Variants in AP2B1 observed in about 807,000 individuals in gnomAD.
AP2B1 encodes the protein AP-2 complex subunit beta.
Under a neutral mutation model 102.0 loss-of-function variants are expected in AP2B1, and 23 were observed. That is an observed-to-expected ratio of 0.23 (90% CI 0.16 to 0.32). The LOEUF (loss-of-function observed/expected upper bound fraction) is 0.32. Ranked by LOEUF, AP2B1 falls within the 10% of genes least tolerant of loss-of-function variation. The pLI is 1.00. For missense variants in AP2B1, 541 were observed against 1,157.4 expected (o/e 0.47, Z 7.73); for synonymous variants, 381 against 421.2 (o/e 0.90, Z 1.17).
At chr17:35,683,404 G>A (rs977604810) in intron 18 of AP2B1, among the ~76,000 whole-genome samples, 12 of 152,132 alleles carry the variant, frequency 7.9e-5, no homozygotes, top group East Asian at 1.9e-4. Flanking sequence ...GACTTTTATA[G>A]CAAAATTTGA....
At chr17:35,642,867 ACTTT>A (rs1251183058) in intron 12 of AP2B1, among the ~76,000 whole-genome samples, 1 of 152,166 alleles carries the variant, frequency 6.6e-6, no homozygotes, top group Non-Finnish European at 1.5e-5. Context: ...TATTTTAAAA[ACTTT>A]CTTAAGCATC....
intron 12 of AP2B1, among the ~76,000 whole-genome samples, chr17:35,643,753 A>G (rs576021767): frequency 2.0e-5 from 3 of 152,356 alleles, no homozygotes; most frequent in Admixed American, 6.5e-5. Context: ...TAGTAATAAC[A>G]GTCGTCATGG....
At chr17:35,660,406 C>T (rs1275920092) in intron 14 of AP2B1, among the ~76,000 whole-genome samples, 1 of 152,006 alleles carries the variant, frequency 6.6e-6, no homozygotes, top group African/African-American at 2.4e-5. Flanking sequence ...ATCTTGTGAC[C>T]ACTGTGAACT....
In AP2B1 at chr17:35,709,303, A is replaced by C; in HGVS notation, c.2534A>C (p.Lys845Thr). The change falls in exon 19 of 22, where the codon AAA (lysine) becomes ACA (threonine). Residue 845 changes from lysine (K) to threonine (T), a missense_variant. By Grantham distance (78) the Lys-to-Thr change is moderately conservative. Around this residue, in one of 10 missense-constraint regions of AP2B1, gnomAD observed 117 missense variants for 206.7 expected, o/e 0.57. Transcript: ENST00000610402. ...PLNVLFVEDG[K>T]MERQVFLATW... ...AATGTGCTTTTTGTAGAAGATGGCAAAATGGGTAAGTACCTTCCTGCCTGT... is the reference window on the plus strand; with the variant it reads ...AATGTGCTTTTTGTAGAAGATGGCACAATGGGTAAGTACCTTCCTGCCTGT... The C allele has an allele frequency of 6.2e-7, 1 of 1,613,602 alleles. No homozygotes were observed. The highest frequency in any genetic ancestry group is 8.5e-7 in the Non-Finnish European group (1 of 1,179,514).
At chr17:35,690,165 A>G (rs1461668556) in intron 18 of AP2B1, among the ~76,000 whole-genome samples, 1 of 152,074 alleles carries the variant, frequency 6.6e-6, no homozygotes, top group Non-Finnish European at 1.5e-5. Context: ...CAGACTGGAT[A>G]ATTCCTATTG....
At chr17:35,602,521 C>T (rs953610593) in intron 3 of AP2B1, among the ~76,000 whole-genome samples, 13 of 152,054 alleles carry the variant, frequency 8.5e-5, no homozygotes, top group Admixed American at 8.5e-4. Flanking sequence ...TTCTAATAGC[C>T]ATTTTGAAAA....
intron 18 of AP2B1, among the ~76,000 whole-genome samples, chr17:35,691,419 A>G (rs906272304): frequency 4.6e-5 from 7 of 152,350 alleles, no homozygotes; most frequent in East Asian, 1.9e-4. Context: ...AAAAACTGGT[A>G]GACGCTTCCA....
At chr17:35,638,596 G>A (rs950014448) in intron 10 of AP2B1, among the ~76,000 whole-genome samples, 1 of 152,060 alleles carries the variant, frequency 6.6e-6, no homozygotes, top group Middle Eastern at 3.4e-3. Flanking sequence ...AGACCATCCT[G>A]GCTAACATGG....
At chr17:35,606,647 C>T (rs1221397406) in intron 4 of AP2B1, among the ~76,000 whole-genome samples, 1 of 152,098 alleles carries the variant, frequency 6.6e-6, no homozygotes, top group East Asian at 1.9e-4. Flanking sequence ...CGACACATAA[C>T]CACTCTTGTT....
In AP2B1 at chr17:35,621,394, G is replaced by C. The variant is rs151018764; in HGVS notation, c.526-3003G>C. The C allele has an allele frequency of 4.5e-3, 4,212 of 942,672 alleles. 13 individuals carry two copies. Among genetic ancestry groups the C allele is most frequent in the Middle Eastern group, 0.015 (28 of 1,864 alleles). 58.4% of individuals were successfully genotyped at this position (942,672 alleles called of 1,614,324 possible). ...CCTGCCTCAGTATGTTGCTAAAAAT[G>C]TAACAGTCTGACTGTGGAGATTAGG... On this transcript the variant is annotated intron_variant, in intron 5 of 21. Coordinates refer to ENST00000610402, the MANE Select transcript of AP2B1 (RefSeq NM_001030006.2).
intron 18 of AP2B1, among the ~76,000 whole-genome samples, chr17:35,686,729 C>T (rs1421630561): frequency 2.0e-5 from 3 of 152,154 alleles, no homozygotes; most frequent in Non-Finnish European, 4.4e-5. Flanking sequence ...CTTTGGGAGG[C>T]TGAGGTGGGC....
intron 1 of AP2B1, among the ~76,000 whole-genome samples, chr17:35,589,075 C>T (rs1401696701): frequency 6.6e-6 from 1 of 152,140 alleles, no homozygotes; most frequent in Non-Finnish European, 1.5e-5. Context: ...AGATGTAAAA[C>T]TTTTGAACTC....
intron 18 of AP2B1, among the ~76,000 whole-genome samples, chr17:35,695,241 A>G (rs1371341721): frequency 1.3e-5 from 2 of 152,274 alleles, no homozygotes; most frequent in East Asian, 1.9e-4. Context: ...GGGTTGATCA[A>G]TATAGTATCA....
chr17:35,600,302 C>T (rs1390684341), intron 3 of AP2B1, among the ~76,000 whole-genome samples: 1 of 151,928 alleles, frequency 6.6e-6, no homozygotes, highest in Non-Finnish European at 1.5e-5. Flanking sequence ...AGGCTGGTCT[C>T]GAACTCCTGA....
At chr17:35,705,720 C>T (rs377759687) in intron 18 of AP2B1, among the ~76,000 whole-genome samples, 1 of 152,032 alleles carries the variant, frequency 6.6e-6, no homozygotes, top group African/African-American at 2.4e-5. Flanking sequence ...TGGAATTTTG[C>T]CTTGTTGGCC....
At chr17:35,630,000 G>A (rs1257906367) in intron 9 of AP2B1, among the ~76,000 whole-genome samples, 1 of 152,170 alleles carries the variant, frequency 6.6e-6, no homozygotes, top group Non-Finnish European at 1.5e-5. Context: ...TTGATTATAT[G>A]CAGTTCTGCC....
intron 18 of AP2B1, among the ~76,000 whole-genome samples, chr17:35,694,727 A>C (rs1330869637): frequency 1.3e-5 from 2 of 152,150 alleles, no homozygotes; most frequent in Admixed American, 6.5e-5. Flanking sequence ...ACAAAAATAC[A>C]AAAAAGTTAG....
At chr17:35,676,083 A>C (rs2075695745) in intron 17 of AP2B1, among the ~76,000 whole-genome samples, 1 of 152,164 alleles carries the variant, frequency 6.6e-6, no homozygotes, top group African/African-American at 2.4e-5. Context: ...CTGTAGAAGA[A>C]ATTAAGTCTT....
chr17:35,674,118 A>C, intron 16 of AP2B1, 58 bp from the exon 17 acceptor site: 1 of 1,516,704 alleles, frequency 6.6e-7, no homozygotes, highest in Non-Finnish European at 9.0e-7. Flanking sequence ...TTGTTAAAAA[A>C]TGCATAGCAT....
Sources: gnomAD v4.1 joint callset for allele counts (sites outside exome capture counted in the v4.1 genomes callset) on GRCh38, gnomAD v4.1.1 for gene constraint, gnomAD v4.1.1 regional missense constraint, MANE v1.5 for transcripts, NCBI Gene and HGNC (gene_info 2026-07-23, HGNC 2026-07-21) for gene names.